RAB11FIP3: variants seen among roughly 807,000 people sequenced by gnomAD.
RAB11FIP3 encodes RAB11 family interacting protein 3, also known as rab11 family-interacting protein 3.
Under a neutral mutation model 77.8 loss-of-function variants are expected in RAB11FIP3, and 17 were observed. The ratio of observed to expected loss-of-function variants is 0.22; its 90% CI spans 0.15 to 0.33. The LOEUF (loss-of-function observed/expected upper bound fraction) is 0.33, where lower values mean the gene tolerates loss of function less well. Among genes scored for constraint, RAB11FIP3 ranks in the 10% least tolerant of loss-of-function variants. RAB11FIP3 has a pLI of 1.00. For missense variants in RAB11FIP3, 1,005 were observed against 1,011.2 expected (o/e 0.99, Z 0.08); for synonymous variants, 437 against 448.2 (o/e 0.98, Z 0.31).
intron 10 of RAB11FIP3, chr16:519,246 A>T (rs1199033654): frequency 3.4e-5 from 19 of 564,562 alleles, no homozygotes; most frequent in Non-Finnish European, 5.3e-5. Context: ...AGGGCTCTGA[A>T]TCTGGGAATT....
At position 503,074 on chromosome 16, in the gene RAB11FIP3, C is replaced by T. The variant is rs747681395; in HGVS notation, c.1372C>T (p.Pro458Ser). The T allele has an allele frequency of 1.2e-6, 2 of 1,612,556 alleles. No individual in the cohort carries two copies. The highest frequency in any genetic ancestry group is 1.7e-6 in the Non-Finnish European group (2 of 1,179,406). The change falls in exon 7 of 14, where the codon CCA (proline) becomes TCA (serine). Residue 458 changes from proline (P) to serine (S), a missense_variant. Pro to Ser is a moderately conservative substitution (Grantham distance 74). Transcript: ENST00000262305. ...CCCTTCCCCCGAGCTCATGGAGGGC[C>T]CAGAGGAGGACATTGCTGACAAGGT... is the stretch of plus-strand genomic sequence containing the variant. ...EDPSPELMEG[P>S]EEDIADKVVF...
chr16:484,391 G>T (rs1014587714), intron 4 of RAB11FIP3, among the ~76,000 whole-genome samples: 1 of 150,896 alleles, frequency 6.6e-6, no homozygotes, highest in Non-Finnish European at 1.5e-5. Context: ...TCGCTCTGTC[G>T]CCCAGGCTGG....
In RAB11FIP3 at chr16:514,655, T is replaced by A. The variant is rs1204144294; in HGVS notation, c.1640+3855T>A. On this transcript the variant is annotated intron_variant, in intron 9 of 13. Transcript: ENST00000262305. This position sits in a 1 kb window ranked among gnomAD's most constrained non-coding sequence, Gnocchi z 4.6. Reference sequence around the variant, plus strand: ...CGAAGGTCACAGGCAGAGATCTGAATCTCAGGACACAGGGCCCGGGAGAGG... The same window carrying A: ...CGAAGGTCACAGGCAGAGATCTGAAACTCAGGACACAGGGCCCGGGAGAGG... Among the ~76,000 whole-genome samples, 7 of 152,160 alleles carry A rather than the reference T, an allele frequency of 4.6e-5. No individual in the cohort carries two copies. The highest frequency in any genetic ancestry group is 1.0e-4 in the Non-Finnish European group (7 of 68,028).
intron 5 of RAB11FIP3, among the ~76,000 whole-genome samples, chr16:492,435 C>A (rs904150513): frequency 7.0e-6 from 1 of 141,974 alleles, no homozygotes; most frequent in Non-Finnish European, 1.6e-5. Flanking sequence ...CCCCGGGAGA[C>A]CCGAGGCCGC....
At chr16:431,627 A>C (rs180954707) in intron 1 of RAB11FIP3, among the ~76,000 whole-genome samples, 1 of 152,268 alleles carries the variant, frequency 6.6e-6, no homozygotes, top group Non-Finnish European at 1.5e-5. Context: ...CACCTGCCTC[A>C]GCCTCCCAAA....
chr16:427,534 C>A (rs2054969384), intron 1 of RAB11FIP3, among the ~76,000 whole-genome samples: 2 of 152,208 alleles, frequency 1.3e-5, no homozygotes, highest in African/African-American at 4.8e-5. Context: ...TACCTCAGCA[C>A]TTAATAAAGT....
At chr16:492,542 A>AGCCCTCCCGGGAG (rs1567392733) in intron 5 of RAB11FIP3, among the ~76,000 whole-genome samples, 3 of 70,678 alleles carry the variant, frequency 4.2e-5, no homozygotes, top group African/African-American at 2.2e-4. Context: ...GGCCGTCCAG[A>AGCCCTCCCGGGAG]ATCTTGGATT....
At position 472,126 on chromosome 16, in the gene RAB11FIP3, A is replaced by T. The variant is rs2055820314; in HGVS notation, c.903+737A>T. 6.6e-6 allele frequency among the ~76,000 whole-genome samples: 1 copy of T among 152,148 alleles called. No individual in the cohort carries two copies. Among genetic ancestry groups the T allele is most frequent in the African/African-American group, 2.4e-5 (1 of 41,426 alleles). On this transcript the variant is annotated intron_variant, in intron 3 of 13. Coordinates refer to ENST00000262305, the MANE Select transcript of RAB11FIP3 (RefSeq NM_014700.4). The surrounding 1 kb of genome is among the most constrained non-coding windows in gnomAD (Gnocchi z 4.1). ...CTGGGCTTCTCATGTCAGTCCTCTG[A>T]GCCCTGACTCCTCGAAAGCTGAGGC...
At chr16:446,736 CCCAG>C (rs2055323211) in intron 1 of RAB11FIP3, among the ~76,000 whole-genome samples, 1 of 152,084 alleles carries the variant, frequency 6.6e-6, no homozygotes. Flanking sequence ...CGCTCTGTCG[CCCAG>C]GCTGGAGTGC....
intron 2 of RAB11FIP3, among the ~76,000 whole-genome samples, chr16:464,589 C>T (rs2055670757): frequency 6.6e-6 from 1 of 152,194 alleles, no homozygotes; most frequent in East Asian, 1.9e-4. Context: ...AAATTTTTTC[C>T]TCTTAGTTTG....
Position 461,024 on chromosome 16 carries a change from G to A in RAB11FIP3, c.715-380G>A, listed in dbSNP as rs2055596015. Among the ~76,000 whole-genome samples the A allele has an allele frequency of 2.7e-5, 4 of 150,692 alleles. No homozygotes were observed. In the South Asian group the frequency reaches 6.2e-4, roughly 23 times the overall value. Reference sequence around the variant, plus strand: ...CAAGCTCGCGATACAGCCTAATCCCGATTCCCTAAAGCGGCCCGCAGCCTT... The same window carrying A: ...CAAGCTCGCGATACAGCCTAATCCCAATTCCCTAAAGCGGCCCGCAGCCTT... On this transcript the variant is annotated intron_variant, in intron 1 of 13. Coordinates refer to ENST00000262305, the MANE Select transcript of RAB11FIP3 (RefSeq NM_014700.4). This position sits in a 1 kb window ranked among gnomAD's most constrained non-coding sequence, Gnocchi z 4.5.
At chr16:449,987 G>A (rs926759728) in intron 1 of RAB11FIP3, among the ~76,000 whole-genome samples, 3 of 152,002 alleles carry the variant, frequency 2.0e-5, no homozygotes, top group African/African-American at 7.3e-5. Flanking sequence ...AGTTAACCTC[G>A]TCACAGTGAC....
intron 5 of RAB11FIP3, chr16:491,211 A>G (rs1445859139): frequency 7.7e-7 from 1 of 1,304,848 alleles, no homozygotes; most frequent in South Asian, 1.2e-5. Context: ...CAGTGCCACA[A>G]ACAAATCAAC....
rs1459353109 is a variant in RAB11FIP3 at position 505,952 on chromosome 16, T to C, written c.1499+325T>C. ...CTGCGAACCCACGCAGTGCTCAGCC[T>C]CACCAGCAGGCCTGGAGGTGCAGCT... is the stretch of plus-strand genomic sequence containing the variant. On this transcript the variant is annotated intron_variant, in intron 8 of 13. Coordinates refer to ENST00000262305, the MANE Select transcript of RAB11FIP3 (RefSeq NM_014700.4). This position sits in a 1 kb window ranked among gnomAD's most constrained non-coding sequence, Gnocchi z 4.0. 6.6e-6 allele frequency among the ~76,000 whole-genome samples: 1 copy of C among 152,202 alleles called. No individual in the cohort carries two copies. The highest frequency in any genetic ancestry group is 2.4e-5 in the African/African-American group (1 of 41,456).
chr16:476,562 T>C (rs1210216238), intron 3 of RAB11FIP3, among the ~76,000 whole-genome samples: 1 of 152,162 alleles, frequency 6.6e-6, no homozygotes, highest in Non-Finnish European at 1.5e-5. Flanking sequence ...GGGTCCACAC[T>C]GGCCAGGGAA....
intron 4 of RAB11FIP3, among the ~76,000 whole-genome samples, chr16:488,466 T>C (rs1247230936): frequency 6.6e-6 from 1 of 152,128 alleles, no homozygotes; most frequent in East Asian, 1.9e-4. Context: ...TGGAGTGTAG[T>C]GGCATCATCA....
rs1567392373 is a variant in RAB11FIP3, at chr16:492,460, G to GGGAGACCCGAGGCCGCCCAGGGCCCCCCC, written c.1265+3462_1265+3463insAGACCCGAGGCCGCCCAGGGCCCCCCCGG. ...CCCGAGGCCGCCCAGGGCCCTTCCC[G>GGGAGACCCGAGGCCGCCCAGGGCCCCCCC]GGGAGACCCGAGGCCGCCCAGGGCC... is the stretch of plus-strand genomic sequence containing the variant. On this transcript the variant is annotated intron_variant, in intron 5 of 13. Coordinates refer to ENST00000262305, the MANE Select transcript of RAB11FIP3 (RefSeq NM_014700.4). Among the ~76,000 whole-genome samples, 8 of 28,306 alleles carry GGGAGACCCGAGGCCGCCCAGGGCCCCCCC rather than the reference G, an allele frequency of 2.8e-4. 1 individual carries two copies. The highest frequency in any genetic ancestry group is 9.3e-4 in the Admixed American group (3 of 3,236). The allele number at this position is 28,306 out of a possible 152,430, so 18.6% of individuals were successfully genotyped here. A position where few individuals can be genotyped will look rare whatever the true frequency, so the allele number is the denominator to read the frequency against.
rs570647117 is a variant in RAB11FIP3 at position 494,230 on chromosome 16, T to C, written c.1266-2594T>C. ...TCAATTATAAATCCTGTTGCTGGGC[T>C]GCCAGTCCAGGCCCTGAAAGGTCAG... On this transcript the variant is annotated intron_variant, in intron 5 of 13. Coordinates refer to ENST00000262305, the MANE Select transcript of RAB11FIP3 (RefSeq NM_014700.4). 1.9e-3 allele frequency among the ~76,000 whole-genome samples: 289 copies of C among 151,582 alleles called. 2 individuals are homozygous for C. Among genetic ancestry groups the C allele is most frequent in the African/African-American group, 6.8e-3 (280 of 41,204 alleles).
Position 520,213 on chromosome 16 carries a change from T to G in RAB11FIP3, c.1952T>G (p.Leu651Arg). The G allele has an allele frequency of 3.9e-6, 6 of 1,545,862 alleles. No individual in the cohort carries two copies. Among genetic ancestry groups the G allele is most frequent in the Non-Finnish European group, 5.2e-6 (6 of 1,147,874 alleles). Residue 651 changes from leucine to arginine, a missense_variant, in exon 12 of 14, where the codon CTG becomes CGG. By Grantham distance (102) the Leu-to-Arg change is moderately radical. Around this residue, in one of 4 missense-constraint regions of RAB11FIP3, gnomAD observed 433 missense variants for 436.1 expected, o/e 0.99. Coordinates refer to ENST00000262305, the MANE Select transcript of RAB11FIP3 (RefSeq NM_014700.4). ...CGGGGCCGCAGCAGCAGCATGGGCC[T>G]GCAGGAGTACCACAGCCGCGCCCGG... ...QRRGRSSSMG[L>R]QEYHSRARES...
Sources: allele counts gnomAD v4.1 joint callset (sites outside exome capture counted in the v4.1 genomes callset), GRCh38; gene constraint gnomAD v4.1.1; regional missense constraint gnomAD v4.1.1; non-coding constraint Gnocchi (gnomAD v3.1); transcripts MANE v1.5; gene names NCBI Gene and HGNC (gene_info 2026-07-23, HGNC 2026-07-21).